Variants in ELP4 observed in about 807,000 individuals in gnomAD.
The protein encoded by ELP4 is elongator complex protein 4.
ELP4 carries 51 observed loss-of-function variants against 48.9 expected under a neutral mutation model. The observed-to-expected ratio is 1.04, with a 90% confidence interval of 0.83 to 1.32. The LOEUF (loss-of-function observed/expected upper bound fraction) is 1.32. ELP4 is among the 40% of genes most tolerant of loss of function. The pLI, the probability that ELP4 is intolerant of heterozygous loss-of-function variation, is 0.00. For missense variants in ELP4, 519 were observed against 514.6 expected, an observed-to-expected ratio of 1.01 and a Z score of -0.08; for synonymous variants, 210 against 189.2, an observed-to-expected ratio of 1.11 and a Z score of -0.90.
At chr11:31,779,398 C>T (rs532024637) in intron 9 of ELP4, among the ~76,000 whole-genome samples, 16 of 152,200 alleles carry the variant, frequency 1.1e-4, no homozygotes, top group Admixed American at 4.6e-4. Flanking sequence ...CTGGGAGAAA[C>T]GGAATTAGGA....
At chr11:31,558,489 C>T (rs879799900) in intron 3 of ELP4, among the ~76,000 whole-genome samples, 2 of 152,110 alleles carry the variant, frequency 1.3e-5, no homozygotes, top group Non-Finnish European at 2.9e-5. Flanking sequence ...ATTTTGCATG[C>T]AGAAAAGTTG....
intron 9 of ELP4, among the ~76,000 whole-genome samples, chr11:31,656,035 T>G (rs2134082640): frequency 6.6e-6 from 1 of 152,156 alleles, no homozygotes; most frequent in East Asian, 1.9e-4. Context: ...TTAAGCACTT[T>G]GGAAGAAAAA....
intron 1 of ELP4, among the ~76,000 whole-genome samples, chr11:31,513,772 A>G (rs1159541827): frequency 1.3e-5 from 2 of 152,236 alleles, no homozygotes; most frequent in Non-Finnish European, 2.9e-5. Context: ...ATGAATTGAA[A>G]TAACAACAAA....
intron 7 of ELP4, chr11:31,645,835 T>C (rs1366284245): frequency 6.6e-6 from 1 of 151,596 alleles, no homozygotes; most frequent in East Asian, 1.9e-4. Flanking sequence ...TTATTCTTCA[T>C]CTCCCACTTG....
chr11:31,553,555 G>A (rs1378400736), intron 3 of ELP4, among the ~76,000 whole-genome samples: 1 of 151,988 alleles, frequency 6.6e-6, no homozygotes, highest in Non-Finnish European at 1.5e-5. Flanking sequence ...CCTGCAAATT[G>A]GAATTACACC....
At chr11:31,560,716 T>TTATATATATATAAAACAACGTTGTTTTA (rs1554960338) in intron 3 of ELP4, among the ~76,000 whole-genome samples, 3 of 150,050 alleles carry the variant, frequency 2.0e-5, no homozygotes, top group Admixed American at 6.7e-5. Flanking sequence ...CAACGTTGTT[T>TTATATATATATAAAACAACGTTGTTTTA]TATATATATA....
At chr11:31,546,236 A>G (rs1271197176) in intron 3 of ELP4, among the ~76,000 whole-genome samples, 1 of 151,984 alleles carries the variant, frequency 6.6e-6, no homozygotes, top group Non-Finnish European at 1.5e-5. Context: ...TATTCAGGAA[A>G]CCCATCTCAC....
At chr11:31,574,095 A>AT (rs1957228942) in intron 3 of ELP4, among the ~76,000 whole-genome samples, 1 of 152,210 alleles carries the variant, frequency 6.6e-6, no homozygotes, top group South Asian at 2.1e-4. Context: ...CAAATGAGGT[A>AT]TTTTTTGTAT....
chr11:31,768,183 A>C (rs887718436), intron 9 of ELP4, among the ~76,000 whole-genome samples: 3 of 152,216 alleles, frequency 2.0e-5, no homozygotes, highest in Non-Finnish European at 4.4e-5. Context: ...TAATTAAAAG[A>C]TATTAAAGTA....
chr11:31,674,100 C>T (rs1945867514), intron 9 of ELP4, among the ~76,000 whole-genome samples: 2 of 152,242 alleles, frequency 1.3e-5, no homozygotes, highest in Admixed American at 6.5e-5. Context: ...GTGGAGAATA[C>T]ATCAGCAATT....
intron 3 of ELP4, among the ~76,000 whole-genome samples, chr11:31,580,510 A>G (rs932355999): frequency 7.2e-5 from 11 of 151,934 alleles, no homozygotes; most frequent in African/African-American, 2.7e-4. Flanking sequence ...TTTTATGTTT[A>G]TTACTGTCAT....
chr11:31,735,358 G>C (rs192460209), intron 9 of ELP4, among the ~76,000 whole-genome samples: 1 of 152,040 alleles, frequency 6.6e-6, no homozygotes, highest in Admixed American at 6.6e-5. Flanking sequence ...AAAAGCAAAA[G>C]TAAACAAGTA....
chr11:31,565,590 A>G (rs530185177), intron 3 of ELP4, among the ~76,000 whole-genome samples: 6 of 146,432 alleles, frequency 4.1e-5, no homozygotes, highest in Non-Finnish European at 7.4e-5. Context: ...CTTTCTACAT[A>G]TGGCTAGCCA....
chr11:31,601,171 G>A (rs1433486074), intron 4 of ELP4, among the ~76,000 whole-genome samples: 1 of 149,424 alleles, frequency 6.7e-6, no homozygotes, highest in African/African-American at 2.6e-5. Context: ...TTTACAGCAT[G>A]TAGTTATCTT....
chr11:31,767,587 A>AG (rs1948067694), intron 9 of ELP4: 2 of 147,532 alleles, frequency 1.4e-5, no homozygotes, highest in African/African-American at 5.3e-5. Flanking sequence ...ACAAACAACC[A>AG]AAAAAAAAGA....
At chr11:31,602,731 T>C (rs1957804759) in intron 4 of ELP4, among the ~76,000 whole-genome samples, 1 of 151,938 alleles carries the variant, frequency 6.6e-6, no homozygotes, top group Admixed American at 6.6e-5. Flanking sequence ...AATTAAAAAG[T>C]TGTCACTTAG....
chr11:31,515,033 G>GTGTGTGTATA (rs1263600301), intron 1 of ELP4, among the ~76,000 whole-genome samples: 36 of 133,982 alleles, frequency 2.7e-4, no homozygotes, highest in African/African-American at 6.4e-4. Context: ...GTGTGTGTGT[G>GTGTGTGTATA]TATATATATA....
intron 9 of ELP4, among the ~76,000 whole-genome samples, chr11:31,707,898 A>C (rs558878014): frequency 1.3e-5 from 2 of 152,164 alleles, no homozygotes; most frequent in African/African-American, 4.8e-5. Flanking sequence ...GACTCTTGTG[A>C]TTATATTGTG....
chr11:31,539,453 C>CA (rs574837978), intron 2 of ELP4, among the ~76,000 whole-genome samples: 5 of 151,252 alleles, frequency 3.3e-5, no homozygotes, highest in South Asian at 2.1e-4. Flanking sequence ...GACTCCGTCT[C>CA]AAAAAAAAAG....
Sources: allele counts gnomAD v4.1 joint callset (sites outside exome capture counted in the v4.1 genomes callset), GRCh38; gene constraint gnomAD v4.1.1; transcripts MANE v1.5; gene names NCBI Gene and HGNC (gene_info 2026-07-23, HGNC 2026-07-21).